The following MTOR variants were observed in gnomAD, a reference collection of about 807,000 sequenced individuals.
MTOR encodes the protein mechanistic target of rapamycin kinase, also known as serine/threonine-protein kinase mTOR.
In MTOR, 70 loss-of-function variants were observed where a neutral mutation model predicts 319.8. The observed-to-expected ratio is 0.22, with a 90% confidence interval of 0.18 to 0.27. The LOEUF (loss-of-function observed/expected upper bound fraction) is 0.27. Ranked by LOEUF, MTOR falls within the 10% of genes least tolerant of loss-of-function variation. The probability of loss-of-function intolerance (pLI) is 1.00; values close to 1 mark genes in which losing one functional copy is unlikely to be tolerated. For missense variants in MTOR, 1,890 were observed against 3,274.4 expected, an observed-to-expected ratio of 0.58 and a Z score of 10.32; for synonymous variants, 1,183 against 1,211.4, an observed-to-expected ratio of 0.98 and a Z score of 0.49.
intron 25 of MTOR, among the ~76,000 whole-genome samples, chr1:11,206,524 G>A (rs1413316472): frequency 6.6e-6 from 1 of 152,200 alleles, no homozygotes; most frequent in Non-Finnish European, 1.5e-5. Context: ...AAGATTAAAT[G>A]AGTTAATATA....
At chr1:11,240,674 T>C (rs1313266547) in intron 10 of MTOR, 127 bp from the exon 11 acceptor site, 16 of 1,217,090 alleles carry the variant, frequency 1.3e-5, no homozygotes, top group Non-Finnish European at 1.8e-5. Flanking sequence ...AAGGATATTA[T>C]AAAATAAGAA....
At chr1:11,164,099 C>T (rs376846503) in intron 29 of MTOR, among the ~76,000 whole-genome samples, 44 of 152,078 alleles carry the variant, frequency 2.9e-4, no homozygotes, top group African/African-American at 1.0e-3. Flanking sequence ...AATCCCAGCA[C>T]TTTGGGAGGC....
chr1:11,181,320 C>T (rs2100666678), intron 28 of MTOR, among the ~76,000 whole-genome samples: 1 of 151,934 alleles, frequency 6.6e-6, no homozygotes, highest in South Asian at 2.1e-4. Context: ...AATATGTATG[C>T]AATATATTAT....
chr1:11,235,957 G>C (rs1421852791), intron 13 of MTOR, among the ~76,000 whole-genome samples: 1 of 151,774 alleles, frequency 6.6e-6, no homozygotes, highest in Non-Finnish European at 1.5e-5. Flanking sequence ...ACTCCAGCCT[G>C]GCGACAGAGC....
At position 11,121,391 on chromosome 1, in the gene MTOR, A is replaced by G. The variant is rs753662875; in HGVS notation, c.6811-23T>C. ...CATCTGCATCAGGACACAACTGTTC[A>G]GTAAGAGAGCAGCCTAAGACATGTA... On this transcript the variant is annotated intron_variant, in intron 48 of 57. Coordinates refer to ENST00000361445, the MANE Select transcript of MTOR (RefSeq NM_004958.4). The surrounding 1 kb of genome is among the most constrained non-coding windows in gnomAD (Gnocchi z 4.9). The G allele has an allele frequency of 1.2e-6, 2 of 1,613,370 alleles. No individual in the cohort carries two copies. Among genetic ancestry groups the G allele is most frequent in the South Asian group, 2.2e-5 (2 of 91,026 alleles).
intron 49 of MTOR, among the ~76,000 whole-genome samples, chr1:11,120,021 G>A (rs1642424368): frequency 6.7e-6 from 1 of 148,722 alleles, no homozygotes; most frequent in Admixed American, 6.7e-5. Context: ...CTTAAGACCA[G>A]GCTGGGTGAC....
intron 5 of MTOR, among the ~76,000 whole-genome samples, chr1:11,255,415 A>C (rs1178213195): frequency 2.7e-5 from 4 of 148,206 alleles, no homozygotes; most frequent in Non-Finnish European, 6.0e-5. Flanking sequence ...AAAAAGAAAG[A>C]GGTACCAAGT....
chr1:11,153,290 G>T (rs922564556), intron 30 of MTOR, among the ~76,000 whole-genome samples: 5 of 152,220 alleles, frequency 3.3e-5, no homozygotes, highest in Non-Finnish European at 7.3e-5. Context: ...AGAATGGAAC[G>T]AATGAATGTA....
chr1:11,209,472 T>C lies in MTOR; in HGVS notation c.3655-14A>G, dbSNP rs1646244176. ...AAGTGTGTATCCCTACAACCAAAGA[T>C]TTATAGGAAACACCTATAACTCTAC... On this transcript the variant is annotated splice_polypyrimidine_tract_variant and intron_variant, in intron 24 of 57. Coordinates refer to ENST00000361445, the MANE Select transcript of MTOR (RefSeq NM_004958.4). 6.2e-7 allele frequency: 1 copy of C among 1,613,866 alleles called. No homozygotes were observed. The highest frequency in any genetic ancestry group is 1.7e-5 in the Admixed American group (1 of 59,992).
intron 28 of MTOR, among the ~76,000 whole-genome samples, chr1:11,169,430 C>CTTATT (rs1352662162): frequency 6.6e-6 from 1 of 152,172 alleles, no homozygotes; most frequent in East Asian, 1.9e-4. Flanking sequence ...AATCAAGCAC[C>CTTATT]TTATGCCTCT....
chr1:11,231,230 G>A (rs1009477639), intron 17 of MTOR, 70 bp downstream of exon 17: 11 of 1,602,252 alleles, frequency 6.9e-6, no homozygotes, highest in South Asian at 1.1e-5. Flanking sequence ...GCATGTTAAT[G>A]CTGCAACCAT....
chr1:11,262,417 G>C (rs1569867906), intron 1 of MTOR, 28 bp downstream of exon 1: 1 of 152,440 alleles, frequency 6.6e-6, no homozygotes, highest in Non-Finnish European at 1.5e-5. Flanking sequence ...CGCCGCCCTA[G>C]AGGGGTCGTG....
At chr1:11,215,008 C>T (rs939621734) in intron 20 of MTOR, among the ~76,000 whole-genome samples, 2 of 152,164 alleles carry the variant, frequency 1.3e-5, no homozygotes, top group African/African-American at 4.8e-5. Flanking sequence ...CATTAAAATG[C>T]CCAGAATCAA....
Position 11,133,249 on chromosome 1 carries a change from C to A in MTOR, c.5247-52G>T. On this transcript the variant is annotated intron_variant, in intron 37 of 57. Coordinates refer to ENST00000361445, the MANE Select transcript of MTOR (RefSeq NM_004958.4). The surrounding 1 kb of genome is among the most constrained non-coding windows in gnomAD (Gnocchi z 4.0). ...GACATTCCCTCCTCAAAACAGCCCTCCTAAGAGGACCACAAATTGTTAGGG... is the reference window on the plus strand; with the variant it reads ...GACATTCCCTCCTCAAAACAGCCCTACTAAGAGGACCACAAATTGTTAGGG... 1.4e-6 allele frequency: 2 copies of A among 1,440,046 alleles called. No homozygotes were observed. The highest frequency in any genetic ancestry group is 2.3e-5 in the South Asian group (2 of 87,392). 89.2% of individuals were successfully genotyped at this position (1,440,046 alleles called of 1,614,324 possible).
chr1:11,125,613 T>C (rs761036373), intron 46 of MTOR, among the ~76,000 whole-genome samples: 1 of 150,346 alleles, frequency 6.7e-6, no homozygotes, highest in Non-Finnish European at 1.5e-5. Flanking sequence ...GCCTGTAATC[T>C]CAGCTATTAG....
In MTOR at chr1:11,129,818, C is replaced by A. The variant is rs1643025633; in HGVS notation, c.5634G>T (p.Leu1878=). 6.2e-7 allele frequency: 1 copy of A among 1,614,204 alleles called. No individual in the cohort carries two copies. Among genetic ancestry groups the A allele is most frequent in the Non-Finnish European group, 8.5e-7 (1 of 1,180,022 alleles). The change falls in exon 40 of 58, where the codon CTG becomes CTT. Residue 1878 remains leucine, a synonymous_variant. Transcript: ENST00000361445. The surrounding 1 kb of genome is among the most constrained non-coding windows in gnomAD (Gnocchi z 4.7). ...KVTEDLSKTL[L]MYTVPAVQGF... Reference sequence around the variant, plus strand: ...CCTGGACGGCAGGCACCGTGTACATCAGGAGGGTTTTGGACAGATCCTGTT... The same window carrying A: ...CCTGGACGGCAGGCACCGTGTACATAAGGAGGGTTTTGGACAGATCCTGTT...
At chr1:11,219,174 A>G (rs1340392905) in intron 19 of MTOR, among the ~76,000 whole-genome samples, 1 of 151,878 alleles carries the variant, frequency 6.6e-6, no homozygotes. Flanking sequence ...AGATCATGTC[A>G]CTGCGCTCCA....
intron 3 of MTOR, among the ~76,000 whole-genome samples, chr1:11,258,122 G>A (rs200436085): frequency 4.5e-5 from 6 of 133,398 alleles, no homozygotes; most frequent in East Asian, 2.4e-4. Context: ...AAAAAAAAAA[G>A]ACCTGCCTTT....
In MTOR at chr1:11,119,973, T is replaced by C. The variant is rs190406950; in HGVS notation, c.6933+1273A>G. 6.6e-5 allele frequency among the ~76,000 whole-genome samples: 10 copies of C among 150,564 alleles called. No homozygotes were observed. The East Asian group carries it at 7.8e-4, about 12-fold the overall frequency. On this transcript the variant is annotated intron_variant, in intron 49 of 57. Transcript: ENST00000361445. ...GGCCGGGCGTGGTGGCTCATGTCTC[T>C]AATCCCAGCACTTTAGGAGGCCAAG...
Sources: allele counts gnomAD v4.1 joint callset (sites outside exome capture counted in the v4.1 genomes callset), GRCh38; gene constraint gnomAD v4.1.1; non-coding constraint Gnocchi (gnomAD v3.1); transcripts MANE v1.5; gene names NCBI Gene and HGNC (gene_info 2026-07-23, HGNC 2026-07-21).